Variants in ZC3H11A observed in about 807,000 individuals in gnomAD.
ZC3H11A encodes the protein zinc finger CCCH-type containing 11A.
In ZC3H11A, 22 loss-of-function variants were observed where a neutral mutation model predicts 90.8. The observed-to-expected ratio is 0.24, with a 90% CI of 0.17 to 0.35. The LOEUF is 0.35. Among genes scored for constraint, ZC3H11A ranks in the 10% least tolerant of loss-of-function variants. ZC3H11A has a pLI of 1.00. For synonymous variants in ZC3H11A, 294 were observed against 339.8 expected, an observed-to-expected ratio of 0.87 and a Z score of 1.48; for missense variants, 701 against 964.9, an observed-to-expected ratio of 0.73 and a Z score of 3.62.
chr1:203,803,774 T>G (rs190058900), intron 2 of ZC3H11A, among the ~76,000 whole-genome samples: 1 of 152,190 alleles, frequency 6.6e-6, no homozygotes, highest in East Asian at 1.9e-4. Context: ...CCTGGCTACT[T>G]TTTAAAACCT....
At chr1:203,843,100 A>G (rs1281883050) in intron 12 of ZC3H11A, among the ~76,000 whole-genome samples, 4 of 152,180 alleles carry the variant, frequency 2.6e-5, no homozygotes, top group African/African-American at 7.2e-5. Flanking sequence ...GATGTTGGAC[A>G]TTCTTATTCT....
Position 203,817,984 on chromosome 1 carries a change from T to C in ZC3H11A, c.55-586T>C, listed in dbSNP as rs892134463. ...GGCTTGTCTTGAACTCCTGACCTTGTGATCTGCCCGCCTCGGCCTCCCAAA... is the reference window on the plus strand; with the variant it reads ...GGCTTGTCTTGAACTCCTGACCTTGCGATCTGCCCGCCTCGGCCTCCCAAA... On this transcript the variant is annotated intron_variant, in intron 3 of 17. Coordinates refer to ENST00000367210, the MANE Select transcript of ZC3H11A (RefSeq NM_001376342.1). Among the ~76,000 whole-genome samples, 14 of 152,108 alleles carry C rather than the reference T, an allele frequency of 9.2e-5. No individual in the cohort carries two copies. In the East Asian group the frequency reaches 2.1e-3, roughly 23 times the overall value.
intron 5 of ZC3H11A, 132 bp downstream of exon 5, chr1:203,828,554 G>A (rs1404448537): frequency 1.0e-5 from 12 of 1,142,968 alleles, no homozygotes; most frequent in East Asian, 2.6e-5. Flanking sequence ...TTACAGATAA[G>A]TGAACTGAAT....
chr1:203,807,871 A>G (rs1672920600), intron 2 of ZC3H11A, among the ~76,000 whole-genome samples: 1 of 151,994 alleles, frequency 6.6e-6, no homozygotes, highest in South Asian at 2.1e-4. Context: ...CGTCCCAAGT[A>G]GCTGGGAGTA....
chr1:203,799,021 T>C (rs552602346), intron 1 of ZC3H11A: 1 of 1,536,190 alleles, frequency 6.5e-7, no homozygotes, highest in Admixed American at 2.0e-5. Flanking sequence ...ATTGTGACTG[T>C]ACACTGGGTT....
intron 1 of ZC3H11A, chr1:203,798,360 A>G (rs1380172927): frequency 1.2e-5 from 18 of 1,535,078 alleles, no homozygotes; most frequent in Non-Finnish European, 1.5e-5. Context: ...TCCTCAGCAC[A>G]TCTCAAGAGC....
At chr1:203,826,957 T>G (rs1220011113) in intron 4 of ZC3H11A, among the ~76,000 whole-genome samples, 1 of 152,156 alleles carries the variant, frequency 6.6e-6, no homozygotes, top group Non-Finnish European at 1.5e-5. Flanking sequence ...TTCCCCTTCA[T>G]CCCCTTGTTA....
intron 2 of ZC3H11A, among the ~76,000 whole-genome samples, chr1:203,815,577 CT>C (rs901260851): frequency 2.9e-4 from 44 of 152,102 alleles, no homozygotes; most frequent in African/African-American, 1.1e-3. Context: ...ACCTTTAATA[CT>C]TTTACATATT....
chr1:203,851,599 G>C (rs1689281571), intron 17 of ZC3H11A, among the ~76,000 whole-genome samples: 1 of 152,036 alleles, frequency 6.6e-6, no homozygotes, highest in Non-Finnish European at 1.5e-5. Context: ...CAAAGTGCTG[G>C]GATTACAGGC....
At chr1:203,796,202 A>T in intron 1 of ZC3H11A, 1 of 386,118 alleles carries the variant, frequency 2.6e-6, no homozygotes, top group Non-Finnish European at 4.6e-6. Context: ...TCTTCGGGGC[A>T]ACAGTTTCTC....
At chr1:203,804,757 C>T (rs1187200904) in intron 2 of ZC3H11A, among the ~76,000 whole-genome samples, 1 of 150,468 alleles carries the variant, frequency 6.6e-6, no homozygotes, top group African/African-American at 2.5e-5. Flanking sequence ...ATTGCAACCT[C>T]TGCCTTCCAG....
chr1:203,828,708 A>T (rs1457351192), intron 5 of ZC3H11A, among the ~76,000 whole-genome samples: 2 of 152,200 alleles, frequency 1.3e-5, no homozygotes, highest in Non-Finnish European at 2.9e-5. Context: ...TTCTAGGTCA[A>T]AGGTTGGCAA....
intron 3 of ZC3H11A, among the ~76,000 whole-genome samples, 166 bp downstream of exon 3, chr1:203,817,290 G>GT (rs1474044183): frequency 6.6e-6 from 1 of 151,916 alleles, no homozygotes; most frequent in Non-Finnish European, 1.5e-5. Flanking sequence ...GTAATTCAGT[G>GT]TTTTTTTCTT....
At chr1:203,828,990 C>T (rs927076827) in intron 5 of ZC3H11A, among the ~76,000 whole-genome samples, 1 of 152,158 alleles carries the variant, frequency 6.6e-6, no homozygotes, top group Non-Finnish European at 1.5e-5. Flanking sequence ...TGGAATTGGC[C>T]ATTTAAAAGC....
At chr1:203,812,177 A>G (rs1032829363) in intron 2 of ZC3H11A, among the ~76,000 whole-genome samples, 7 of 152,138 alleles carry the variant, frequency 4.6e-5, no homozygotes, top group African/African-American at 1.7e-4. Context: ...TTACACAGGT[A>G]AATGTGTGTC....
intron 3 of ZC3H11A, 26 bp downstream of exon 3, chr1:203,817,150 TTC>T (rs762223603): frequency 1.3e-6 from 2 of 1,567,292 alleles, no homozygotes; most frequent in East Asian, 2.3e-5. Context: ...TTTAAATCAG[TTC>T]TTTCTACAAT....
At chr1:203,838,372 A>G (rs12723861) in intron 11 of ZC3H11A, among the ~76,000 whole-genome samples, 17,162 of 152,252 alleles carry the variant, frequency 0.11, 1,300 homozygotes, top group Non-Finnish European at 0.16. Context: ...AGAGGCATCT[A>G]TTATTACCAT....
intron 2 of ZC3H11A, among the ~76,000 whole-genome samples, chr1:203,811,454 C>T (rs12401945): frequency 0.079 from 12,042 of 152,098 alleles, 1,255 homozygotes; most frequent in East Asian, 0.4. Context: ...CAAATATGTT[C>T]TTTGGAATAT....
intron 1 of ZC3H11A, chr1:203,798,267 A>C (rs1227216945): frequency 6.5e-7 from 1 of 1,536,046 alleles, no homozygotes; most frequent in African/African-American, 1.4e-5. Flanking sequence ...GAGATTTCTC[A>C]TCAAAAGTAA....
Sources: gnomAD v4.1 joint callset for allele counts (sites outside exome capture counted in the v4.1 genomes callset) on GRCh38, gnomAD v4.1.1 for gene constraint, MANE v1.5 for transcripts, NCBI Gene and HGNC (gene_info 2026-07-23, HGNC 2026-07-21) for gene names.